The following CHRNB4 variants were observed in gnomAD, a reference collection of about 807,000 sequenced individuals.
CHRNB4 encodes neuronal acetylcholine receptor subunit beta-4.
A neutral mutation model predicts 40.4 loss-of-function variants in CHRNB4; 23 were observed. The ratio of observed to expected loss-of-function variants is 0.57; its 90% CI spans 0.41 to 0.81. CHRNB4 has a LOEUF of 0.81. Ranked by LOEUF, CHRNB4 falls within the 30% of genes least tolerant of loss-of-function variation. The pLI, the probability that CHRNB4 is intolerant of heterozygous loss-of-function variation, is 0.00. For synonymous variants in CHRNB4, 285 were observed against 274.4 expected, an observed-to-expected ratio of 1.04 and a Z score of -0.38; for missense variants, 568 against 670.6, an observed-to-expected ratio of 0.85 and a Z score of 1.69.
At chr15:78,648,164 C>T (rs1383314408) in intron 7 of CHRNB4, among the ~76,000 whole-genome samples, 3 of 151,848 alleles carry the variant, frequency 2.0e-5, no homozygotes, top group African/African-American at 4.8e-5. Flanking sequence ...AAGGCCTAGG[C>T]GGGTGGATCA....
intron 5 of CHRNB4, among the ~76,000 whole-genome samples, chr15:78,654,946 T>G (rs1401183630): frequency 6.6e-6 from 1 of 152,142 alleles, no homozygotes; most frequent in Non-Finnish European, 1.5e-5. Context: ...TTTTAAGAGT[T>G]TCCCCCCACC....
intron 2 of CHRNB4, among the ~76,000 whole-genome samples, chr15:78,632,262 TC>T (rs2053847307): frequency 7.1e-6 from 1 of 141,322 alleles, no homozygotes. Flanking sequence ...TCTCTTTCTT[TC>T]TTTCTTTCTT....
chr15:78,643,107 C>G (rs903246814), upstream of CHRNB4, among the ~76,000 whole-genome samples: 8 of 152,100 alleles, frequency 5.3e-5, no homozygotes, highest in African/African-American at 1.9e-4. Context: ...TAGCTATTAA[C>G]TTTTATGAAC....
intron 5 of CHRNB4, among the ~76,000 whole-genome samples, chr15:78,654,604 T>C (rs2054197588): frequency 1.3e-5 from 2 of 152,188 alleles, no homozygotes; most frequent in Non-Finnish European, 2.9e-5. Context: ...GTGTACGTGC[T>C]GTGAAAAATA....
At chr15:78,635,986 C>A (rs2053941263) in intron 1 of CHRNB4, among the ~76,000 whole-genome samples, 1 of 152,088 alleles carries the variant, frequency 6.6e-6, no homozygotes, top group South Asian at 2.1e-4. Context: ...CGGCTCACTG[C>A]AACCTCTGCC....
In CHRNB4 at chr15:78,629,093, G is replaced by T. The variant is rs1266192246; in HGVS notation, c.1212C>A (p.Thr404=). Residue 404 remains threonine (T), a synonymous_variant, in exon 5 of 6, where the codon ACC becomes ACA. Transcript: ENST00000261751. The surrounding 1 kb of genome is among the most constrained non-coding windows in gnomAD (Gnocchi z 6.8). ...AGAAATCCCTGGGGATAGCCACCGG[G>T]GTAGAGCCGGCTGGAGACTTGGAAG... The part of the protein sequence containing the change: ...SAASKSPAGS[T]PVAIPRDFWL... 2.5e-6 allele frequency: 4 copies of T among 1,614,064 alleles called. No homozygotes were observed. Among genetic ancestry groups the T allele is most frequent in the Non-Finnish European group, 3.4e-6 (4 of 1,180,044 alleles).
At chr15:78,645,459 A>G (rs2054115261), upstream of CHRNB4, among the ~76,000 whole-genome samples, 1 of 152,106 alleles carries the variant, frequency 6.6e-6, no homozygotes, top group Non-Finnish European at 1.5e-5. Flanking sequence ...GTGTCTTGCC[A>G]TATCTAATGA....
chr15:78,637,038 G>C (rs1028890276), intron 1 of CHRNB4, among the ~76,000 whole-genome samples: 4 of 152,200 alleles, frequency 2.6e-5, no homozygotes, highest in African/African-American at 9.7e-5. Context: ...TAGACCTACA[G>C]AGTGTAAGGT....
chr15:78,651,566 C>T (rs1180667931), intron 6 of CHRNB4, among the ~76,000 whole-genome samples: 1 of 152,246 alleles, frequency 6.6e-6, no homozygotes, highest in African/African-American at 2.4e-5. Context: ...CTCAGATTGA[C>T]CGAGAAGTGG....
intron 6 of CHRNB4, among the ~76,000 whole-genome samples, chr15:78,650,665 G>T (rs1596123845): frequency 6.6e-6 from 1 of 152,328 alleles, no homozygotes. Flanking sequence ...CTGTCTGAAG[G>T]TGGCCGTGGC....
At chr15:78,646,479 A>T (rs2054124207) in intron 7 of CHRNB4, among the ~76,000 whole-genome samples, 3 of 152,224 alleles carry the variant, frequency 2.0e-5, no homozygotes. Flanking sequence ...GGCTGCTCTA[A>T]CAAAATGCCA....
upstream of CHRNB4, among the ~76,000 whole-genome samples, chr15:78,645,091 G>A (rs994282356): frequency 6.6e-6 from 1 of 151,686 alleles, no homozygotes; most frequent in Non-Finnish European, 1.5e-5. Context: ...CAGCCAATCC[G>A]AAGCCCACAC....
Position 78,628,958 on chromosome 15 carries a change from G to A in CHRNB4, c.1338+9C>T, listed in dbSNP as rs781257978. ...TGGGCAGGTGGGCAGGGGCTGGTTA[G>A]CAACTTACACTCTGGTCTTCATCGT... On this transcript the variant is annotated intron_variant, in intron 5 of 5. Coordinates refer to ENST00000261751, the MANE Select transcript of CHRNB4 (RefSeq NM_000750.5). 61 of 1,602,574 alleles carry A rather than the reference G, an allele frequency of 3.8e-5. No individual in the cohort carries two copies. The South Asian group carries it at 5.8e-4, about 15-fold the overall frequency.
At chr15:78,630,927 C>A (rs967276614) in intron 4 of CHRNB4, 149 bp downstream of exon 4, 6 of 646,200 alleles carry the variant, frequency 9.3e-6, no homozygotes, top group African/African-American at 9.0e-5. Context: ...GCTCTGCTCA[C>A]CTCTGTTTCT....
intron 3 of CHRNB4, chr15:78,656,758 C>T (rs1239507939): frequency 6.6e-6 from 1 of 152,172 alleles, no homozygotes; most frequent in Non-Finnish European, 1.5e-5. Flanking sequence ...TCTTCTGATT[C>T]CCTTAATTAT....
intron 7 of CHRNB4, among the ~76,000 whole-genome samples, chr15:78,648,625 A>G (rs2054146476): frequency 6.7e-6 from 1 of 149,932 alleles, no homozygotes; most frequent in East Asian, 2.0e-4. Flanking sequence ...GTGGTGGCAG[A>G]TGCCTGTAAT....
intron 1 of CHRNB4, among the ~76,000 whole-genome samples, chr15:78,659,890 G>A (rs1403789308): frequency 6.6e-6 from 1 of 152,212 alleles, no homozygotes; most frequent in African/African-American, 2.4e-5. Flanking sequence ...CAGGGAACCA[G>A]TGAGGAGGCT....
At chr15:78,628,391 T>C (rs976559031) in intron 5 of CHRNB4, among the ~76,000 whole-genome samples, 2 of 152,208 alleles carry the variant, frequency 1.3e-5, no homozygotes, top group African/African-American at 4.8e-5. Context: ...CTTCCATTTC[T>C]GGCACCCGCA....
chr15:78,654,234 A>G (rs1209401583), intron 5 of CHRNB4, among the ~76,000 whole-genome samples: 1 of 152,214 alleles, frequency 6.6e-6, no homozygotes, highest in Non-Finnish European at 1.5e-5. Flanking sequence ...ATACTCAAAG[A>G]GAATTGAGGT....
Sources: allele counts gnomAD v4.1 joint callset (sites outside exome capture counted in the v4.1 genomes callset), GRCh38; gene constraint gnomAD v4.1.1; non-coding constraint Gnocchi (gnomAD v3.1); transcripts MANE v1.5; gene names NCBI Gene and HGNC (gene_info 2026-07-23, HGNC 2026-07-21).